The following MAPK14 variants were observed in gnomAD, a reference collection of about 807,000 sequenced individuals.
MAPK14 encodes CSAID-binding protein.
In MAPK14, 16 loss-of-function variants were observed where a neutral mutation model predicts 49.6. The observed-to-expected ratio is 0.32, with a 90% CI of 0.22 to 0.49. The LOEUF is 0.49. Among genes scored for constraint, MAPK14 ranks in the 20% least tolerant of loss-of-function variants. The pLI, the probability that MAPK14 is intolerant of heterozygous loss-of-function variation, is 0.99. For synonymous variants in MAPK14, 142 were observed against 158.0 expected, an observed-to-expected ratio of 0.90 and a Z score of 0.76; for missense variants, 200 against 441.2, an observed-to-expected ratio of 0.45 and a Z score of 4.90.
At chr6:36,085,401 A>G (rs1764940012) in intron 8 of MAPK14, among the ~76,000 whole-genome samples, 1 of 152,208 alleles carries the variant, frequency 6.6e-6, no homozygotes, top group Admixed American at 6.5e-5. Flanking sequence ...ACGACCCATC[A>G]GTATGCTGTT....
chr6:36,093,186 T>G (rs1765307537), intron 8 of MAPK14, among the ~76,000 whole-genome samples: 1 of 152,096 alleles, frequency 6.6e-6, no homozygotes, highest in African/African-American at 2.4e-5. Context: ...TGATGTGAGT[T>G]GAAGCATTGA....
intron 8 of MAPK14, among the ~76,000 whole-genome samples, chr6:36,086,624 A>G (rs1764996355): frequency 6.6e-6 from 1 of 152,144 alleles, no homozygotes; most frequent in Admixed American, 6.5e-5. Context: ...TCTACCAATA[A>G]CAAGTTCTCA....
intron 10 of MAPK14, 37 bp downstream of exon 10, chr6:36,102,686 AATTGGTT>A: frequency 6.2e-7 from 1 of 1,610,392 alleles, no homozygotes; most frequent in Non-Finnish European, 8.5e-7. Context: ...ATGGATATTG[AATTGGTT>A]ATGATATAAA....
downstream of MAPK14, among the ~76,000 whole-genome samples, chr6:36,116,022 T>C (rs912008920): frequency 1.3e-5 from 2 of 152,036 alleles, no homozygotes; most frequent in Non-Finnish European, 2.9e-5. Context: ...GGCAGGAAGA[T>C]TGCTTAAGCC....
rs555567461 is a variant in MAPK14, at chr6:36,077,244, C to T, written c.682+636C>T. Among the ~76,000 whole-genome samples, 9 of 152,154 alleles carry T rather than the reference C, an allele frequency of 5.9e-5. No homozygotes were observed. The East Asian group carries it at 7.7e-4, about 13-fold the overall frequency. Reference sequence around the variant, plus strand: ...TTTATTTTAGCTCCTTTCCTATCTGCGGTATGCTTGTTTCATGGTTTAGTA... The same window carrying T: ...TTTATTTTAGCTCCTTTCCTATCTGTGGTATGCTTGTTTCATGGTTTAGTA... On this transcript the variant is annotated intron_variant, in intron 8 of 11. Transcript: ENST00000229794.
chr6:36,092,279 C>A, intron 8 of MAPK14: 1 of 582,938 alleles, frequency 1.7e-6, no homozygotes, highest in Non-Finnish European at 3.3e-6. Context: ...GAACATTCAG[C>A]AGCGTCCCCT....
chr6:36,085,321 T>A (rs1275588609), intron 8 of MAPK14, among the ~76,000 whole-genome samples: 2 of 152,122 alleles, frequency 1.3e-5, no homozygotes, highest in African/African-American at 4.8e-5. Flanking sequence ...ATAAAAAATA[T>A]TAACCTTAAA....
chr6:36,036,859 G>C (rs1762771826), intron 1 of MAPK14, among the ~76,000 whole-genome samples: 2 of 152,070 alleles, frequency 1.3e-5, no homozygotes, highest in Admixed American at 6.6e-5. Context: ...TCCCACCTTA[G>C]CCTCCCGAGT....
the MAPK14 span, among the ~76,000 whole-genome samples, chr6:36,116,523 G>A: frequency 6.6e-6 from 1 of 152,168 alleles, no homozygotes; most frequent in African/African-American, 2.4e-5. Flanking sequence ...CTTCATGAAT[G>A]TCCAGCAGGA....
intron 6 of MAPK14, 67 bp from the exon 7 acceptor site, chr6:36,075,781 T>C (rs1460292967): frequency 6.2e-7 from 1 of 1,607,322 alleles, no homozygotes; most frequent in Admixed American, 1.7e-5. Flanking sequence ...GTTGTTGTTG[T>C]TTTGTTTTTT....
At chr6:36,105,620 A>G (rs769549912) in intron 10 of MAPK14, among the ~76,000 whole-genome samples, 1 of 152,248 alleles carries the variant, frequency 6.6e-6, no homozygotes, top group Non-Finnish European at 1.5e-5. Flanking sequence ...TGTAAAGTGT[A>G]AACTTATGAA....
At chr6:36,057,260 T>C (rs1718204248) in intron 2 of MAPK14, among the ~76,000 whole-genome samples, 1 of 152,216 alleles carries the variant, frequency 6.6e-6, no homozygotes, top group South Asian at 2.1e-4. Flanking sequence ...TATACAAATA[T>C]TTAAATATTA....
chr6:36,090,551 A>T (rs1274184239), intron 8 of MAPK14, among the ~76,000 whole-genome samples: 1 of 148,296 alleles, frequency 6.7e-6, no homozygotes, highest in Non-Finnish European at 1.5e-5. Flanking sequence ...TTGGAGACAG[A>T]GTCTCGCTCT....
chr6:36,102,703 A>G (rs778243007), intron 10 of MAPK14, 54 bp downstream of exon 10: 1 of 1,604,954 alleles, frequency 6.2e-7, no homozygotes, highest in African/African-American at 1.3e-5. Flanking sequence ...TATGATATAA[A>G]TTGGGGATTT....
At position 36,095,976 on chromosome 6, in the gene MAPK14, T is replaced by C. The variant is rs2127467822; in HGVS notation, c.683-11T>C. On this transcript the variant is annotated splice_polypyrimidine_tract_variant and intron_variant, in intron 8 of 11. Coordinates refer to ENST00000229794, the MANE Select transcript of MAPK14 (RefSeq NM_139012.3). ...TTTGTCCCAACATTTTCCTTTATGG[T>C]CCACCATTAGATATTGATCAGTTGA... is the stretch of plus-strand genomic sequence containing the variant. The C allele has an allele frequency of 6.5e-7, 1 of 1,537,730 alleles. No individual in the cohort carries two copies. Among genetic ancestry groups the C allele is most frequent in the African/African-American group, 1.4e-5 (1 of 72,838 alleles).
In MAPK14 at chr6:36,108,704, T is replaced by C; in HGVS notation, c.*257T>C. On this transcript the variant is annotated 3_prime_UTR_variant, in exon 12 of 12. Transcript: ENST00000229794. ...TGGATGCTCCAGGGCAGCCTCCACC[T>C]TGCTCTTCTTTCTGAGAGTTGGCTC... 1 of 464,350 alleles carries C rather than the reference T, an allele frequency of 2.2e-6. No individual in the cohort carries two copies. The highest frequency in any genetic ancestry group is 3.9e-6 in the Non-Finnish European group (1 of 255,018). 28.8% of individuals were successfully genotyped at this position (464,350 alleles called of 1,614,324 possible). A position where few individuals can be genotyped will look rare whatever the true frequency, so the allele number is the denominator to read the frequency against.
chr6:36,066,741 G>GGT (rs10653139), intron 3 of MAPK14, among the ~76,000 whole-genome samples: 12,975 of 149,514 alleles, frequency 0.087, 1,402 homozygotes, highest in African/African-American at 0.26. Context: ...ATGAATTCTG[G>GGT]GTGTGTGTGT....
intron 3 of MAPK14, among the ~76,000 whole-genome samples, chr6:36,065,547 T>TGTGTGTGTGTGTGTG (rs1581777404): frequency 1.4e-5 from 2 of 145,322 alleles, no homozygotes; most frequent in Non-Finnish European, 3.0e-5. Context: ...TGTGTGTGTG[T>TGTGTGTGTGTGTGTG]TTGGTGGGAA....
chr6:36,118,208 C>T, the MAPK14 span, among the ~76,000 whole-genome samples: 2 of 152,178 alleles, frequency 1.3e-5, no homozygotes, highest in Non-Finnish European at 1.5e-5. Flanking sequence ...ATCCATCTGC[C>T]ACTTTAAAAT....
Sources: gnomAD v4.1 joint callset for allele counts (sites outside exome capture counted in the v4.1 genomes callset) on GRCh38, gnomAD v4.1.1 for gene constraint, MANE v1.5 for transcripts, NCBI Gene and HGNC (gene_info 2026-07-23, HGNC 2026-07-21) for gene names.